The following BCO1 variants were observed in gnomAD, a reference collection of about 807,000 sequenced individuals.
BCO1 encodes the protein beta,beta-carotene 15,15'-dioxygenase.
In BCO1, 54 loss-of-function variants were observed where a neutral mutation model predicts 56.3. The ratio of observed to expected loss-of-function variants is 0.96; its 90% confidence interval spans 0.77 to 1.20. BCO1 has a LOEUF of 1.20. BCO1 is among the 50% of genes most tolerant of loss of function. The pLI, the probability that BCO1 is intolerant of heterozygous loss-of-function variation, is 0.00. For missense variants in BCO1, 801 were observed against 690.9 expected (o/e 1.16, Z -1.79); for synonymous variants, 318 against 266.1 (o/e 1.20, Z -1.90).
At chr16:81,250,724 G>C (rs1173728183) in intron 2 of BCO1, among the ~76,000 whole-genome samples, 4 of 151,926 alleles carry the variant, frequency 2.6e-5, no homozygotes, top group Non-Finnish European at 5.9e-5. Context: ...AGGATTACAG[G>C]CATGAGCCAC....
intron 5 of BCO1, among the ~76,000 whole-genome samples, chr16:81,267,190 G>A (rs535613418): frequency 1.8e-4 from 28 of 152,298 alleles, no homozygotes; most frequent in Admixed American, 1.6e-3. Flanking sequence ...GGAAGGCGAA[G>A]GGGGCTGTGT....
chr16:81,255,538 TGCCCAG>T (rs1257309799), intron 2 of BCO1, among the ~76,000 whole-genome samples: 16 of 152,020 alleles, frequency 1.1e-4, no homozygotes, highest in Admixed American at 1.0e-3. Flanking sequence ...CTCGCTCTGT[TGCCCAG>T]GCTGGAGTGC....
intron 7 of BCO1, among the ~76,000 whole-genome samples, chr16:81,273,440 G>A (rs973436781): frequency 3.3e-5 from 5 of 151,932 alleles, no homozygotes; most frequent in Admixed American, 1.3e-4. Flanking sequence ...CACCCTTACC[G>A]CCCAGTTTCT....
rs1018405817 is a variant in BCO1, at chr16:81,270,417, G to T, written c.1101+1G>T. ...TGCCGTGCCCCTCCACGTGGACAAGGTAATGGCTTCCAAGGAGGTCCCTTT... is the reference window on the plus strand; with the variant it reads ...TGCCGTGCCCCTCCACGTGGACAAGTTAATGGCTTCCAAGGAGGTCCCTTT... On this transcript the variant is annotated splice_donor_variant, in intron 7 of 10. Transcript: ENST00000258168. LOFTEE classifies it high-confidence loss of function. 3 of 1,613,868 alleles carry T rather than the reference G, an allele frequency of 1.9e-6. No individual in the cohort carries two copies. The highest frequency in any genetic ancestry group is 2.7e-5 in the African/African-American group (2 of 74,874).
chr16:81,248,167 C>T (rs900821042), intron 2 of BCO1, among the ~76,000 whole-genome samples: 3 of 151,948 alleles, frequency 2.0e-5, no homozygotes, highest in Admixed American at 1.3e-4. Flanking sequence ...TTTGGGAGGC[C>T]GAGGCGGGTG....
intron 2 of BCO1, among the ~76,000 whole-genome samples, chr16:81,249,996 G>C (rs1055890704): frequency 1.4e-4 from 22 of 152,276 alleles, no homozygotes; most frequent in African/African-American, 4.8e-4. Flanking sequence ...GGCAGTCATT[G>C]TTTTGGTAGA....
chr16:81,257,028 C>G (rs892333039), intron 2 of BCO1, among the ~76,000 whole-genome samples: 4 of 152,198 alleles, frequency 2.6e-5, no homozygotes, highest in African/African-American at 9.7e-5. Context: ...AAGAAGGGTT[C>G]TGCATTTTCC....
Position 81,270,171 on chromosome 16 carries a change from A to G in BCO1, c.856A>G (p.Ile286Val), listed in dbSNP as rs1231587352. 2.5e-6 allele frequency: 4 copies of G among 1,614,158 alleles called. No homozygotes were observed. In the South Asian group the frequency reaches 4.4e-5, roughly 18 times the overall value. ...TGTCCTTTTTCAGACTTATATCCACATCATCGACCAAAGGACCAGGCAGCC... is the reference window on the plus strand; with the variant it reads ...TGTCCTTTTTCAGACTTATATCCACGTCATCGACCAAAGGACCAGGCAGCC... ...FHREEKTYIH[I>V]IDQRTRQPVQ... The change falls in exon 7 of 11, where the codon ATC becomes GTC. Residue 286 changes from isoleucine (I) to valine (V), a missense_variant. By Grantham distance (29) the Ile-to-Val change is conservative. Coordinates refer to ENST00000258168, the MANE Select transcript of BCO1 (RefSeq NM_017429.3).
chr16:81,246,144 A>G (rs1905402108), intron 2 of BCO1, among the ~76,000 whole-genome samples: 1 of 152,020 alleles, frequency 6.6e-6, no homozygotes, highest in African/African-American at 2.4e-5. Context: ...CTCTATCTTT[A>G]AAGCAGCAGC....
rs1412380420 is a variant in BCO1 at position 81,238,725 on chromosome 16, C to T, written c.-184C>T. The T allele has an allele frequency of 3.2e-5, 21 of 664,992 alleles. No homozygotes were observed. Among genetic ancestry groups the T allele is most frequent in the Non-Finnish European group, 5.8e-5 (21 of 361,934 alleles). The allele number at this position is 664,992 out of a possible 1,614,324, so 41.2% of individuals were successfully genotyped here. On this transcript the variant is annotated 5_prime_UTR_variant, in exon 1 of 11. Coordinates refer to ENST00000258168, the MANE Select transcript of BCO1 (RefSeq NM_017429.3). ...GAGATCCAGGGCTCTTGGAGAGGGA[C>T]AAGTGAGAGCCAGCCAAAAAGGAAA...
intron 8 of BCO1, among the ~76,000 whole-genome samples, chr16:81,283,115 C>T (rs1907975768): frequency 6.6e-6 from 1 of 152,208 alleles, no homozygotes; most frequent in Non-Finnish European, 1.5e-5. Flanking sequence ...TTGCAAAATG[C>T]ATTCCATATC....
chr16:81,254,780 G>A (rs192571625), intron 2 of BCO1, among the ~76,000 whole-genome samples: 14 of 152,170 alleles, frequency 9.2e-5, no homozygotes, highest in Admixed American at 7.9e-4. Context: ...TGAGGCTAGC[G>A]TTCAGGGGGC....
At chr16:81,258,246 C>T (rs540545548) in intron 2 of BCO1, among the ~76,000 whole-genome samples, 21 of 152,250 alleles carry the variant, frequency 1.4e-4, no homozygotes, top group Middle Eastern at 3.4e-3. Context: ...AGGGGTAAGT[C>T]GTTACAGCAG....
intron 10 of BCO1, 49 bp from the exon 11 acceptor site, chr16:81,290,299 G>C (rs768597745): frequency 2.0e-6 from 3 of 1,472,786 alleles, no homozygotes; most frequent in Admixed American, 1.7e-5. Flanking sequence ...TCATCCCTCC[G>C]ACTGAAGCCT....
chr16:81,258,369 A>G (rs996585953), intron 2 of BCO1, among the ~76,000 whole-genome samples: 2 of 152,232 alleles, frequency 1.3e-5, no homozygotes, highest in African/African-American at 4.8e-5. Context: ...ATTTGGATGA[A>G]TTAGACATTG....
At chr16:81,284,783 C>T (rs1013142624) in intron 8 of BCO1, among the ~76,000 whole-genome samples, 1 of 151,850 alleles carries the variant, frequency 6.6e-6, no homozygotes, top group Non-Finnish European at 1.5e-5. Flanking sequence ...CCATGCCTAG[C>T]ACAGCTTCCT....
chr16:81,257,630 C>T (rs1906223476), intron 2 of BCO1, among the ~76,000 whole-genome samples: 1 of 150,376 alleles, frequency 6.6e-6, no homozygotes, highest in Non-Finnish European at 1.5e-5. Context: ...AATCCCAGCA[C>T]TTTGGGAGGC....
chr16:81,263,313 T>C (rs1161588684), intron 4 of BCO1: 2 of 152,202 alleles, frequency 1.3e-5, no homozygotes, highest in Non-Finnish European at 2.9e-5. Context: ...GGTTTCACCG[T>C]GTTAGCCAGG....
At chr16:81,259,448 C>T (rs534365196) in intron 2 of BCO1, among the ~76,000 whole-genome samples, 62 of 151,928 alleles carry the variant, frequency 4.1e-4, no homozygotes, top group Non-Finnish European at 6.5e-4. Context: ...GAGCCGAGAT[C>T]GCACCATTAT....
Sources: gnomAD v4.1 joint callset for allele counts (sites outside exome capture counted in the v4.1 genomes callset) on GRCh38, gnomAD v4.1.1 for gene constraint, MANE v1.5 for transcripts, NCBI Gene and HGNC (gene_info 2026-07-23, HGNC 2026-07-21) for gene names.